CFAP299: variants seen among roughly 807,000 people sequenced by gnomAD.
CFAP299 encodes cilia and flagella associated protein 299.
CFAP299 carries 21 observed loss-of-function variants against 27.0 expected under a neutral mutation model. The ratio of observed to expected loss-of-function variants is 0.78; its 90% CI spans 0.55 to 1.12. The LOEUF (loss-of-function observed/expected upper bound fraction) is 1.12. Ranked by LOEUF, CFAP299 falls within the 50% of genes most tolerant of loss-of-function variation. The pLI is 0.00. For missense variants in CFAP299, 310 were observed against 276.6 expected, an observed-to-expected ratio of 1.12 and a Z score of -0.86; for synonymous variants, 104 against 98.1, an observed-to-expected ratio of 1.06 and a Z score of -0.36.
intron 4 of CFAP299, among the ~76,000 whole-genome samples, chr4:80,903,924 T>C (rs1360301200): frequency 6.6e-6 from 1 of 152,184 alleles, no homozygotes; most frequent in Non-Finnish European, 1.5e-5. Context: ...AGAAGGGTTT[T>C]CTAAACTTCC....
chr4:80,457,212 G>A (rs928317410), intron 2 of CFAP299, among the ~76,000 whole-genome samples: 2 of 152,058 alleles, frequency 1.3e-5, no homozygotes, highest in African/African-American at 2.4e-5. Flanking sequence ...TTGATGATCC[G>A]CAGGCAGCGT....
At chr4:80,369,262 C>T (rs1648612567) in intron 2 of CFAP299, among the ~76,000 whole-genome samples, 1 of 152,220 alleles carries the variant, frequency 6.6e-6, no homozygotes. Flanking sequence ...TACAGATCTA[C>T]TTCATGCGCA....
chr4:80,334,997 C>A (rs181377605), upstream of CFAP299, among the ~76,000 whole-genome samples: 3 of 152,278 alleles, frequency 2.0e-5, no homozygotes, highest in African/African-American at 7.2e-5. Context: ...ACATATTTTG[C>A]CAGCTGTTGT....
At chr4:80,398,694 A>G (rs539391942) in intron 2 of CFAP299, among the ~76,000 whole-genome samples, 1 of 152,358 alleles carries the variant, frequency 6.6e-6, no homozygotes, top group Non-Finnish European at 1.5e-5. Context: ...TTAATTCAAG[A>G]TGGATTGAAG....
intron 2 of CFAP299, among the ~76,000 whole-genome samples, chr4:80,578,156 A>C (rs1312161089): frequency 6.6e-6 from 1 of 152,224 alleles, no homozygotes; most frequent in Non-Finnish European, 1.5e-5. Flanking sequence ...TGTAGAACTT[A>C]TAACACTAAG....
intron 3 of CFAP299, among the ~76,000 whole-genome samples, chr4:80,824,797 G>T (rs903255649): frequency 1.3e-5 from 2 of 152,072 alleles, no homozygotes; most frequent in South Asian, 4.1e-4. Context: ...CCCTGGGAAA[G>T]AGAGAAAGTT....
intron 3 of CFAP299, among the ~76,000 whole-genome samples, chr4:80,752,253 C>T (rs1434381799): frequency 2.0e-5 from 3 of 151,934 alleles, no homozygotes; most frequent in African/African-American, 7.3e-5. Context: ...AATGCAAGAA[C>T]CTAGGTATTT....
chr4:80,776,239 T>G (rs1726533194), intron 3 of CFAP299, among the ~76,000 whole-genome samples: 1 of 152,046 alleles, frequency 6.6e-6, no homozygotes, highest in Non-Finnish European at 1.5e-5. Context: ...TTTTAGAACT[T>G]TGCCAGAAGC....
At chr4:80,681,266 C>T (rs1163234657) in intron 3 of CFAP299, among the ~76,000 whole-genome samples, 2 of 152,084 alleles carry the variant, frequency 1.3e-5, no homozygotes, top group Non-Finnish European at 2.9e-5. Flanking sequence ...GAGGAAATCT[C>T]ATTGTGAATT....
intron 2 of CFAP299, among the ~76,000 whole-genome samples, chr4:80,364,911 T>A (rs1723743617): frequency 6.6e-6 from 1 of 152,214 alleles, no homozygotes; most frequent in African/African-American, 2.4e-5. Flanking sequence ...TCCAGCTCCA[T>A]CCATGTTCCT....
chr4:80,329,208 C>CATAT, the CFAP299 span, among the ~76,000 whole-genome samples: 53,495 of 135,682 alleles, frequency 0.39, 10,958 homozygotes, highest in East Asian at 0.51. Context: ...ACACTGTATA[C>CATAT]ATATATATAT....
chr4:80,808,227 T>A (rs1391916980), intron 3 of CFAP299, among the ~76,000 whole-genome samples: 4 of 152,138 alleles, frequency 2.6e-5, no homozygotes, highest in Non-Finnish European at 5.9e-5. Flanking sequence ...AATGAATATG[T>A]TGACCATTTT....
At chr4:80,500,088 C>A (rs1201069607) in intron 2 of CFAP299, among the ~76,000 whole-genome samples, 1 of 152,012 alleles carries the variant, frequency 6.6e-6, no homozygotes, top group Non-Finnish European at 1.5e-5. Flanking sequence ...CTACAACCCA[C>A]CACAGTCTGG....
chr4:80,756,475 A>C (rs1725245298), intron 3 of CFAP299, among the ~76,000 whole-genome samples: 1 of 152,148 alleles, frequency 6.6e-6, no homozygotes, highest in Non-Finnish European at 1.5e-5. Context: ...AGCCAAATGC[A>C]GTCTGCAAGC....
intron 1 of CFAP299, among the ~76,000 whole-genome samples, chr4:80,351,341 C>G (rs1043685523): frequency 1.3e-5 from 2 of 151,996 alleles, no homozygotes; most frequent in African/African-American, 4.8e-5. Context: ...TATGAAACAA[C>G]AATAGCACAA....
intron 2 of CFAP299, among the ~76,000 whole-genome samples, chr4:80,378,285 A>G (rs141150870): frequency 6.6e-6 from 1 of 152,156 alleles, no homozygotes; most frequent in African/African-American, 2.4e-5. Context: ...ACCTTTCATC[A>G]TGCAACTTTC....
intron 3 of CFAP299, among the ~76,000 whole-genome samples, chr4:80,801,136 A>G (rs1393383855): frequency 1.3e-5 from 2 of 151,372 alleles, no homozygotes; most frequent in Non-Finnish European, 2.9e-5. Flanking sequence ...AATACTTTGC[A>G]TCTTTCAGTC....
At chr4:80,763,942 T>C (rs564103192) in intron 3 of CFAP299, among the ~76,000 whole-genome samples, 28 of 152,258 alleles carry the variant, frequency 1.8e-4, no homozygotes, top group Admixed American at 3.9e-4. Flanking sequence ...TTATACCTTA[T>C]ACAAAAATTA....
intron 4 of CFAP299, among the ~76,000 whole-genome samples, chr4:80,935,404 G>A (rs1736839086): frequency 6.6e-6 from 1 of 151,810 alleles, no homozygotes; most frequent in Non-Finnish European, 1.5e-5. Context: ...TCAGAAGAAG[G>A]GCCACACACT....
Sources: allele counts gnomAD v4.1 joint callset (sites outside exome capture counted in the v4.1 genomes callset), GRCh38; gene constraint gnomAD v4.1.1; transcripts MANE v1.5; gene names NCBI Gene and HGNC (gene_info 2026-07-23, HGNC 2026-07-21).